ANO9: variants seen among roughly 807,000 people sequenced by gnomAD.
ANO9 encodes the protein anoctamin-9.
ANO9 carries 80 observed loss-of-function variants against 100.5 expected under a neutral mutation model. The observed-to-expected ratio is 0.80, with a 90% CI of 0.66 to 0.96. The LOEUF (loss-of-function observed/expected upper bound fraction) is 0.96. ANO9 is among the 40% of genes least tolerant of loss of function. ANO9 has a pLI of 0.00. For missense variants in ANO9, 1,064 were observed against 1,072.7 expected, an observed-to-expected ratio of 0.99 and a Z score of 0.11; for synonymous variants, 473 against 435.6, an observed-to-expected ratio of 1.09 and a Z score of -1.07.
Position 421,580 on chromosome 11 carries a change from C to T in ANO9, c.1335-382G>A, listed in dbSNP as rs1346694553. 2.9e-5 allele frequency among the ~76,000 whole-genome samples: 3 copies of T among 102,140 alleles called. No individual in the cohort carries two copies. Among genetic ancestry groups the T allele is most frequent in the Non-Finnish European group, 4.0e-5 (2 of 50,156 alleles). The allele number at this position is 102,140 out of a possible 152,430, so 67.0% of individuals were successfully genotyped here. Reference sequence around the variant, plus strand: ...TGAACCGCACCCACACGTGGGCGCGCGCACACACACACACACCCCCACACA... The same window carrying T: ...TGAACCGCACCCACACGTGGGCGCGTGCACACACACACACACCCCCACACA... On this transcript the variant is annotated intron_variant, in intron 15 of 22. Coordinates refer to ENST00000332826, the MANE Select transcript of ANO9 (RefSeq NM_001012302.3). This position sits in a 1 kb window ranked among gnomAD's most constrained non-coding sequence, Gnocchi z 6.8.
At chr11:420,650 C>G in intron 18 of ANO9, 35 bp from the exon 19 acceptor site, 1 of 1,602,078 alleles carries the variant, frequency 6.2e-7, no homozygotes, top group Non-Finnish European at 8.5e-7. Context: ...CGGCGCCCCG[C>G]ACTCATGTCC....
intron 20 of ANO9, 167 bp downstream of exon 20, chr11:419,415 C>T (rs1474006697): frequency 3.2e-5 from 46 of 1,427,468 alleles, no homozygotes; most frequent in African/African-American, 4.3e-5. Context: ...CAGGGCCTGC[C>T]GTCAGTGGGC....
At position 432,277 on chromosome 11, in the gene ANO9, A is replaced by T; in HGVS notation, c.351-223T>A. On this transcript the variant is annotated intron_variant, in intron 4 of 22. Coordinates refer to ENST00000332826, the MANE Select transcript of ANO9 (RefSeq NM_001012302.3). The surrounding 1 kb of genome is among the most constrained non-coding windows in gnomAD (Gnocchi z 4.8). The stretch of plus-strand genomic sequence containing the variant: ...CCTGGCCTGCCCCACGGCGTCCAGG[A>T]TGAGGCTGGGCTGGGGGCTCCTTCT... 1 of 564,664 alleles carries T rather than the reference A, an allele frequency of 1.8e-6. No individual in the cohort carries two copies. The highest frequency in any genetic ancestry group is 2.9e-5 in the East Asian group (1 of 33,902). The allele number at this position is 564,664 out of a possible 1,614,324, so 35.0% of individuals were successfully genotyped here. A position where few individuals can be genotyped will look rare whatever the true frequency, so the allele number is the denominator to read the frequency against.
chr11:420,498 T>C lies in ANO9; in HGVS notation c.1751A>G (p.Gln584Arg). ...GGCCTTGCGCGGCACCAGGCGCCGC[T>C]GCAACCAGACCATCTTGATGGCGTC... ...RLDAIKMVWLQRRLVPRKAKD... is the reference protein window; with the variant it reads ...RLDAIKMVWLRRRLVPRKAKD... The change falls in exon 19 of 23, where the codon CAG (glutamine) becomes CGG (arginine). Residue 584 changes from glutamine to arginine, a missense_variant. Physicochemically the swap from Gln to Arg is conservative, Grantham distance 43. Transcript: ENST00000332826. 2 of 1,604,616 alleles carry C rather than the reference T, an allele frequency of 1.2e-6. No homozygotes were observed. The highest frequency in any genetic ancestry group is 1.7e-6 in the Non-Finnish European group (2 of 1,179,572).
In ANO9 at chr11:421,143, C is replaced by A; in HGVS notation, c.1390G>T (p.Glu464Ter). The change falls in exon 16 of 23, where the codon GAG (glutamate) becomes TAG (stop). Residue 464 changes from glutamate (E) to a stop codon, truncating the protein, a stop_gained and splice_region_variant. Coordinates refer to ENST00000332826, the MANE Select transcript of ANO9 (RefSeq NM_001012302.3). LOFTEE classifies it high-confidence loss of function. The surrounding 1 kb of genome is among the most constrained non-coding windows in gnomAD (Gnocchi z 6.8). Reference protein sequence around the residue: ...TRLAGLWKLEECHASGCMMDL... With the variant: ...TRLAGLWKLE ...CATGAAGCCTGGGGGTGACTGACCT[C>A]TTCCAGCTTCCACAAGCCCGCCAGG... 1 of 1,567,214 alleles carries A rather than the reference C, an allele frequency of 6.4e-7. No homozygotes were observed. Among genetic ancestry groups the A allele is most frequent in the Non-Finnish European group, 8.7e-7 (1 of 1,151,782 alleles).
intron 1 of ANO9, among the ~76,000 whole-genome samples, chr11:439,991 A>G (rs1845733285): frequency 6.6e-6 from 1 of 152,220 alleles, no homozygotes; most frequent in South Asian, 2.1e-4. Flanking sequence ...GTGAGGAGGC[A>G]TGGAGCTTGG....
chr11:430,800 TG>T (rs1848888031), intron 7 of ANO9, among the ~76,000 whole-genome samples: 1 of 34,290 alleles, frequency 2.9e-5, no homozygotes, highest in African/African-American at 1.4e-4. Context: ...TGTGGATGTC[TG>T]GGGGGTGTGG....
chr11:437,958 G>A (rs1307581113), intron 1 of ANO9, among the ~76,000 whole-genome samples: 2 of 152,174 alleles, frequency 1.3e-5, no homozygotes, highest in Admixed American at 1.3e-4. Context: ...GAGAAGGAAG[G>A]GACGAGGCAG....
chr11:425,727 T>TG (rs1236878316), intron 15 of ANO9, among the ~76,000 whole-genome samples: 1 of 151,866 alleles, frequency 6.6e-6, no homozygotes, highest in African/African-American at 2.4e-5. Flanking sequence ...GTTTTTTGTT[T>TG]GTTTGTTTGT....
At position 428,829 on chromosome 11, in the gene ANO9, G is replaced by A. The variant is rs1010507571; in HGVS notation, c.916-3C>T. 6.2e-7 allele frequency: 1 copy of A among 1,612,788 alleles called. No individual in the cohort carries two copies. Among genetic ancestry groups the A allele is most frequent in the Middle Eastern group, 1.7e-4 (1 of 6,058 alleles). ...ATGAGCTGAAGTGCCATTTCCTCCT[G>A]GGGAGAGCACCGGGCAAGCCTCAGA... On this transcript the variant is annotated splice_region_variant and splice_polypyrimidine_tract_variant and intron_variant, in intron 11 of 22. Coordinates refer to ENST00000332826, the MANE Select transcript of ANO9 (RefSeq NM_001012302.3).
At position 421,261 on chromosome 11, in the gene ANO9, C is replaced by T. The variant is rs1007811090; in HGVS notation, c.1335-63G>A. On this transcript the variant is annotated intron_variant, in intron 15 of 22. Coordinates refer to ENST00000332826, the MANE Select transcript of ANO9 (RefSeq NM_001012302.3). This position sits in a 1 kb window ranked among gnomAD's most constrained non-coding sequence, Gnocchi z 6.8. ...CGCCCTGCCTCTGACAGGGTGGGTG[C>T]AGCAGGACAGAAGCGGGTAGGAAAG... 41 of 1,438,512 alleles carry T rather than the reference C, an allele frequency of 2.9e-5. No individual in the cohort carries two copies. The Middle Eastern group carries it at 8.9e-4, about 31-fold the overall frequency. The allele number at this position is 1,438,512 out of a possible 1,614,324, so 89.1% of individuals were successfully genotyped here.
At position 421,321 on chromosome 11, in the gene ANO9, C is replaced by A; in HGVS notation, c.1335-123G>T. On this transcript the variant is annotated intron_variant, in intron 15 of 22. Transcript: ENST00000332826. This position sits in a 1 kb window ranked among gnomAD's most constrained non-coding sequence, Gnocchi z 6.8. Reference sequence around the variant, plus strand: ...AGGCGGGGCAGGCCCTGCAGGTGAGCGGGGCACAGGTGCTCACACCCAGAT... The same window carrying A: ...AGGCGGGGCAGGCCCTGCAGGTGAGAGGGGCACAGGTGCTCACACCCAGAT... The A allele has an allele frequency of 9.5e-7, 1 of 1,058,074 alleles. No individual in the cohort carries two copies. The highest frequency in any genetic ancestry group is 1.3e-6 in the Non-Finnish European group (1 of 762,906). 65.5% of individuals were successfully genotyped at this position (1,058,074 alleles called of 1,614,324 possible). A position where few individuals can be genotyped will look rare whatever the true frequency, so the allele number is the denominator to read the frequency against.
At chr11:439,461 C>T (rs1845672134) in intron 1 of ANO9, among the ~76,000 whole-genome samples, 1 of 148,608 alleles carries the variant, frequency 6.7e-6, no homozygotes, top group African/African-American at 2.5e-5. Flanking sequence ...CCACCCTACT[C>T]CTGAGAGGCC....
chr11:436,032 G>A (rs959092530), intron 1 of ANO9, among the ~76,000 whole-genome samples: 1 of 146,912 alleles, frequency 6.8e-6, no homozygotes, highest in Non-Finnish European at 1.5e-5. Flanking sequence ...GCTTGACTGG[G>A]TGTCTGTTTC....
intron 1 of ANO9, among the ~76,000 whole-genome samples, chr11:438,065 C>T (rs1845506517): frequency 6.6e-6 from 1 of 152,108 alleles, no homozygotes; most frequent in African/African-American, 2.4e-5. Context: ...CATCGTTCAC[C>T]CCAGAAATGA....
chr11:430,006 C>T lies in ANO9; in HGVS notation c.771+77G>A, dbSNP rs1001105147. ...TGAGCAGCTCTGCAGGGCTCCAGGC[C>T]TTGATCTCCCCCGCTTCGGGTGGAT... On this transcript the variant is annotated intron_variant, in intron 9 of 22. Transcript: ENST00000332826. The T allele has an allele frequency of 5.4e-6, 8 of 1,488,168 alleles. No homozygotes were observed. The African/African-American group carries it at 1.1e-4, about 21-fold the overall frequency. The allele number at this position is 1,488,168 out of a possible 1,614,324, so 92.2% of individuals were successfully genotyped here. A position where few individuals can be genotyped will look rare whatever the true frequency, so the allele number is the denominator to read the frequency against.
At chr11:419,019 G>C in intron 20 of ANO9, 30 bp from the exon 21 acceptor site, 1 of 1,612,214 alleles carries the variant, frequency 6.2e-7, no homozygotes, top group African/African-American at 1.3e-5. Context: ...GTGTGGGGTG[G>C]GGTGGGCTTC....
rs60356623 is a variant in ANO9 at position 438,391 on chromosome 11, C to T, written c.6+3530G>A. Among the ~76,000 whole-genome samples, 184 of 122,804 alleles carry T rather than the reference C, an allele frequency of 1.5e-3. 1 individual carries two copies. Among genetic ancestry groups the T allele is most frequent in the African/African-American group, 5.4e-3 (178 of 32,836 alleles). 80.6% of individuals were successfully genotyped at this position (122,804 alleles called of 152,430 possible). A position where few individuals can be genotyped will look rare whatever the true frequency, so the allele number is the denominator to read the frequency against. ...CACAGCCAGACAGGTGTAGCCCCCC[C>T]CCGACTCACACAGCCAGATAGGTGT... On this transcript the variant is annotated intron_variant, in intron 1 of 22. Transcript: ENST00000332826.
At position 421,231 on chromosome 11, in the gene ANO9, G is replaced by T; in HGVS notation, c.1335-33C>A. 2 of 1,494,900 alleles carry T rather than the reference G, an allele frequency of 1.3e-6. No homozygotes were observed. Among genetic ancestry groups the T allele is most frequent in the East Asian group, 2.4e-5 (1 of 41,984 alleles). The allele number at this position is 1,494,900 out of a possible 1,614,324, so 92.6% of individuals were successfully genotyped here. On this transcript the variant is annotated intron_variant, in intron 15 of 22. Transcript: ENST00000332826. The surrounding 1 kb of genome is among the most constrained non-coding windows in gnomAD (Gnocchi z 6.8). The stretch of plus-strand genomic sequence containing the variant: ...GGAAGGGGAAGTCTGGGGCACTGCG[G>T]GCAGCGCCCTGCCTCTGACAGGGTG...
Sources: gnomAD v4.1 joint callset for allele counts (sites outside exome capture counted in the v4.1 genomes callset) on GRCh38, gnomAD v4.1.1 for gene constraint, Gnocchi (gnomAD v3.1) non-coding constraint, MANE v1.5 for transcripts, NCBI Gene and HGNC (gene_info 2026-07-23, HGNC 2026-07-21) for gene names.